Variants in SPDYE14 observed in about 807,000 individuals in gnomAD.
SPDYE14 encodes speedy/RINGO cell cycle regulator family member E14.
At chr7:75,275,185 G>T in the SPDYE14 span, among the ~76,000 whole-genome samples, 2 of 58,346 alleles carry the variant, frequency 3.4e-5, 1 homozygote, top group African/African-American at 8.0e-5. Context: ...CTACTGGGAA[G>T]TGAGGAGCCC....
the SPDYE14 span, among the ~76,000 whole-genome samples, chr7:75,265,957 C>G: frequency 6.1e-5 from 3 of 49,242 alleles, no homozygotes; most frequent in African/African-American, 1.8e-4. Flanking sequence ...GCACTCCAGC[C>G]TGGGTGACAG....
the SPDYE14 span, among the ~76,000 whole-genome samples, chr7:75,268,844 C>A: frequency 5.2e-5 from 1 of 19,050 alleles, no homozygotes; most frequent in Non-Finnish European, 1.2e-4. Context: ...TGCACTCCAG[C>A]CAGAGAGAGA....
chr7:75,265,565 C>CAA, the SPDYE14 span, among the ~76,000 whole-genome samples: 2 of 1,770 alleles, frequency 1.1e-3, no homozygotes, highest in Non-Finnish European at 1.4e-3. Flanking sequence ...TAAAAAAATA[C>CAA]AAAAAAAAAA....
chr7:75,241,067 T>TTTTTC, the SPDYE14 span, among the ~76,000 whole-genome samples: 1 of 376 alleles, frequency 2.7e-3, no homozygotes, highest in African/African-American at 7.1e-3. Context: ...TTGTTTTTTT[T>TTTTTC]TTTCTTTCTT....
At chr7:75,278,876 A>AGG in the SPDYE14 span, among the ~76,000 whole-genome samples, 1 of 43,014 alleles carries the variant, frequency 2.3e-5, no homozygotes, top group Admixed American at 1.9e-4. Context: ...CGGGAGGCGG[A>AGG]GGTTGCAGTG....
chr7:75,241,691 ATATAT>A, the SPDYE14 span, among the ~76,000 whole-genome samples: 79 of 25,470 alleles, frequency 3.1e-3, no homozygotes, highest in African/African-American at 7.2e-3. Flanking sequence ...ATATATATAT[ATATAT>A]TTTTTTTTTT....
chr7:75,251,360 T>C, the SPDYE14 span, among the ~76,000 whole-genome samples: 2 of 47,760 alleles, frequency 4.2e-5, 1 homozygote, highest in Non-Finnish European at 9.8e-5. Context: ...CTGGGATTAC[T>C]GGTAGGAGCC....
the SPDYE14 span, among the ~76,000 whole-genome samples, chr7:75,255,174 CTCTT>C: frequency 1.1e-4 from 3 of 28,108 alleles, 1 homozygote; most frequent in Admixed American, 6.6e-4. Flanking sequence ...CTTTCTCTCT[CTCTT>C]TCTTTCCTTT....
the SPDYE14 span, among the ~76,000 whole-genome samples, chr7:75,251,592 C>A: frequency 2.4e-5 from 1 of 41,158 alleles, no homozygotes; most frequent in Non-Finnish European, 4.7e-5. Flanking sequence ...AAACTCCTGG[C>A]CTCAAGTGAT....
At chr7:75,265,088 C>A in the SPDYE14 span, among the ~76,000 whole-genome samples, 2 of 28,944 alleles carry the variant, frequency 6.9e-5, no homozygotes, top group African/African-American at 1.9e-4. Context: ...TCCCCCTTCC[C>A]CTCCCCTCCC....
At chr7:75,268,790 G>C in the SPDYE14 span, among the ~76,000 whole-genome samples, 1 of 65,520 alleles carries the variant, frequency 1.5e-5, no homozygotes, top group African/African-American at 4.9e-5. Flanking sequence ...TCCCAGCAGA[G>C]GGACTCTTGA....
At chr7:75,300,666 C>T in the SPDYE14 span, among the ~76,000 whole-genome samples, 1 of 9,428 alleles carries the variant, frequency 1.1e-4, no homozygotes, top group African/African-American at 2.2e-4. Context: ...CGCCCTGTCG[C>T]CCAGGCTGGA....
the SPDYE14 span, among the ~76,000 whole-genome samples, chr7:75,274,499 CTTTT>C: frequency 1.5e-3 from 19 of 13,022 alleles, no homozygotes; most frequent in South Asian, 7.8e-3. Context: ...CTAGTCCTGG[CTTTT>C]TTTTTTTTTT....
the SPDYE14 span, among the ~76,000 whole-genome samples, chr7:75,257,782 C>T: frequency 6.8e-5 from 2 of 29,490 alleles, no homozygotes; most frequent in Non-Finnish European, 1.6e-4. Context: ...CTCCCCACTC[C>T]TCAGCTTGTG....
the SPDYE14 span, among the ~76,000 whole-genome samples, chr7:75,268,895 A>AGAGAG: frequency 2.1e-4 from 2 of 9,412 alleles, no homozygotes; most frequent in African/African-American, 5.4e-4. Context: ...GAGAGAGAGA[A>AGAGAG]AGGAAATGGC....
chr7:75,268,894 A>AGGG, the SPDYE14 span, among the ~76,000 whole-genome samples: 1 of 22,130 alleles, frequency 4.5e-5, no homozygotes, highest in African/African-American at 9.1e-5. Context: ...AGAGAGAGAG[A>AGGG]AAGGAAATGG....
At chr7:75,261,023 G>A in the SPDYE14 span, among the ~76,000 whole-genome samples, 2 of 74,044 alleles carry the variant, frequency 2.7e-5, 1 homozygote, top group Non-Finnish European at 7.0e-5. Context: ...TACTGGGGAG[G>A]CTGAGGCAGG....
the SPDYE14 span, among the ~76,000 whole-genome samples, chr7:75,273,806 A>T: frequency 3.9e-5 from 2 of 50,840 alleles, 1 homozygote; most frequent in African/African-American, 9.2e-5. Context: ...GTCCACAAAC[A>T]TTCTGCCTGT....
At chr7:75,268,895 A>C in the SPDYE14 span, among the ~76,000 whole-genome samples, 2 of 9,414 alleles carry the variant, frequency 2.1e-4, no homozygotes, top group African/African-American at 5.4e-4. Context: ...GAGAGAGAGA[A>C]AGGAAATGGC....
Sources: gnomAD v4.1 joint callset for allele counts (sites outside exome capture counted in the v4.1 genomes callset) on GRCh38, gnomAD v4.1.1 for gene constraint, MANE v1.5 for transcripts, NCBI Gene and HGNC (gene_info 2026-07-23, HGNC 2026-07-21) for gene names.